Variants in GNAL observed in about 807,000 individuals in gnomAD.
GNAL encodes the protein G protein subunit alpha L, also known as guanine nucleotide-binding protein G(olf) subunit alpha.
Under a neutral mutation model 55.1 loss-of-function variants are expected in GNAL, and 18 were observed. That is an observed-to-expected ratio of 0.33 (90% CI 0.23 to 0.48). GNAL has a LOEUF of 0.48. GNAL is among the 20% of genes least tolerant of loss of function. GNAL has a pLI of 0.99. For synonymous variants in GNAL, 253 were observed against 237.0 expected (o/e 1.07, Z -0.62); for missense variants, 412 against 614.1 (o/e 0.67, Z 3.48).
intron 4 of GNAL, among the ~76,000 whole-genome samples, chr18:11,783,811 A>G (rs2033984842): frequency 6.6e-6 from 1 of 152,172 alleles, no homozygotes. Flanking sequence ...TGTATTTGGC[A>G]TGTCTGGCAC....
At chr18:11,862,252 A>C in intron 5 of GNAL, 143 bp from the exon 6 acceptor site, 1 of 590,326 alleles carries the variant, frequency 1.7e-6, no homozygotes, top group South Asian at 2.3e-5. Flanking sequence ...ATACAAATTC[A>C]GGAAACAAAG....
chr18:11,692,034 C>G (rs1030068906), intron 1 of GNAL, among the ~76,000 whole-genome samples: 1 of 152,112 alleles, frequency 6.6e-6, no homozygotes, highest in Admixed American at 6.6e-5. Flanking sequence ...ATCACGATTT[C>G]CTGATACTAC....
At chr18:11,700,431 A>G (rs1460966575) in intron 1 of GNAL, among the ~76,000 whole-genome samples, 1 of 152,216 alleles carries the variant, frequency 6.6e-6, no homozygotes, top group Non-Finnish European at 1.5e-5. Context: ...TGGCCAGGCC[A>G]TGTGTCCCAT....
At chr18:11,784,856 G>A (rs993205080) in intron 4 of GNAL, among the ~76,000 whole-genome samples, 1 of 152,158 alleles carries the variant, frequency 6.6e-6, no homozygotes, top group South Asian at 2.1e-4. Flanking sequence ...CTGGCTGTCC[G>A]TATGTATGGG....
At chr18:11,850,840 A>G (rs1374203479) in intron 5 of GNAL, among the ~76,000 whole-genome samples, 1 of 152,226 alleles carries the variant, frequency 6.6e-6, no homozygotes, top group African/African-American at 2.4e-5. Context: ...TTTTCACTCA[A>G]TGCAATAAAA....
intron 4 of GNAL, among the ~76,000 whole-genome samples, chr18:11,808,771 T>C (rs906350143): frequency 6.6e-6 from 1 of 152,246 alleles, no homozygotes; most frequent in African/African-American, 2.4e-5. Context: ...AAATGACAGA[T>C]GGATCAACAA....
intron 1 of GNAL, among the ~76,000 whole-genome samples, chr18:11,694,175 G>A (rs1384045491): frequency 3.9e-5 from 6 of 152,072 alleles, no homozygotes; most frequent in Non-Finnish European, 7.4e-5. Flanking sequence ...CTCCATGCCT[G>A]CTAGTGTGAG....
chr18:11,817,792 T>C (rs1792653641), intron 4 of GNAL, among the ~76,000 whole-genome samples: 1 of 151,868 alleles, frequency 6.6e-6, no homozygotes, highest in South Asian at 2.1e-4. Context: ...TTCCACCATG[T>C]TGGCCAGGCT....
At chr18:11,719,658 A>G (rs551880610) in intron 1 of GNAL, among the ~76,000 whole-genome samples, 2 of 152,334 alleles carry the variant, frequency 1.3e-5, no homozygotes, top group Non-Finnish European at 2.9e-5. Flanking sequence ...TTTTGGAGAC[A>G]AATCCAGCAC....
chr18:11,816,057 C>A (rs2034946638), intron 4 of GNAL, among the ~76,000 whole-genome samples: 1 of 152,132 alleles, frequency 6.6e-6, no homozygotes. Flanking sequence ...CCATGGAAAA[C>A]AATTTGACAA....
At position 11,738,853 on chromosome 18, in the gene GNAL, G is replaced by C. The variant is rs577677813; in HGVS notation, c.377-14000G>C. 1.2e-4 allele frequency among the ~76,000 whole-genome samples: 18 copies of C among 152,288 alleles called. No homozygotes were observed. In the South Asian group the frequency reaches 3.5e-3, roughly 30 times the overall value. ...GTATGAGTCCGTGCAGAGCGGGTGA[G>C]GATGAGGAGGATGTGCAGGTTGCCA... On this transcript the variant is annotated intron_variant, in intron 1 of 11. Coordinates refer to ENST00000334049, the MANE Select transcript of GNAL (RefSeq NM_182978.4).
chr18:11,805,804 A>G (rs1598475490), intron 4 of GNAL, among the ~76,000 whole-genome samples: 1 of 152,340 alleles, frequency 6.6e-6, no homozygotes, highest in East Asian at 1.9e-4. Context: ...TCACTGTGAT[A>G]CACATATGAG....
At chr18:11,777,901 T>C (rs561960615) in intron 4 of GNAL, among the ~76,000 whole-genome samples, 2 of 152,186 alleles carry the variant, frequency 1.3e-5, no homozygotes, top group Admixed American at 6.5e-5. Context: ...GAGGTGAAGG[T>C]CACACAACTA....
chr18:11,847,204 G>A (rs1180766771), intron 5 of GNAL, among the ~76,000 whole-genome samples: 1 of 151,922 alleles, frequency 6.6e-6, no homozygotes, highest in Admixed American at 6.6e-5. Flanking sequence ...GTCAACCAGA[G>A]GTCACCATGC....
At chr18:11,850,051 G>A (rs765292428) in intron 5 of GNAL, among the ~76,000 whole-genome samples, 2 of 152,220 alleles carry the variant, frequency 1.3e-5, no homozygotes, top group Non-Finnish European at 2.9e-5. Flanking sequence ...AGGACTGGCA[G>A]GGTGTCAATA....
At chr18:11,744,427 T>C (rs1301161657) in intron 1 of GNAL, among the ~76,000 whole-genome samples, 1 of 152,248 alleles carries the variant, frequency 6.6e-6, no homozygotes, top group African/African-American at 2.4e-5. Flanking sequence ...TGATGTTTTT[T>C]AAGTGTACTA....
intron 5 of GNAL, among the ~76,000 whole-genome samples, chr18:11,849,610 A>G (rs1306951905): frequency 1.3e-5 from 2 of 152,164 alleles, no homozygotes; most frequent in Non-Finnish European, 2.9e-5. Context: ...CCAGGACCTA[A>G]AAGAAGGGAA....
At chr18:11,810,636 C>A (rs974041075) in intron 4 of GNAL, 2 of 152,390 alleles carry the variant, frequency 1.3e-5, no homozygotes, top group African/African-American at 4.8e-5. Flanking sequence ...CATCCCCTTA[C>A]CCCACAGAGG....
chr18:11,840,605 T>C (rs1011584340), intron 5 of GNAL, among the ~76,000 whole-genome samples: 1 of 152,174 alleles, frequency 6.6e-6, no homozygotes, highest in Non-Finnish European at 1.5e-5. Context: ...GAAAGCTCTT[T>C]ATCTAGGAGT....
Sources: gnomAD v4.1 joint callset for allele counts (sites outside exome capture counted in the v4.1 genomes callset) on GRCh38, gnomAD v4.1.1 for gene constraint, MANE v1.5 for transcripts, NCBI Gene and HGNC (gene_info 2026-07-23, HGNC 2026-07-21) for gene names.